Variants in BAX observed in about 807,000 individuals in gnomAD.
BAX encodes apoptosis regulator BAX.
BAX carries 21 observed loss-of-function variants against 26.8 expected under a neutral mutation model. The ratio of observed to expected loss-of-function variants is 0.78; its 90% CI spans 0.56 to 1.13. The LOEUF (loss-of-function observed/expected upper bound fraction) is 1.13, where lower values mean the gene tolerates loss of function less well. Among genes scored for constraint, BAX ranks in the 50% most tolerant of loss-of-function variants. The pLI, the probability that BAX is intolerant of heterozygous loss-of-function variation, is 0.00. For synonymous variants in BAX, 110 were observed against 101.8 expected, an observed-to-expected ratio of 1.08 and a Z score of -0.49; for missense variants, 236 against 254.6, an observed-to-expected ratio of 0.93 and a Z score of 0.50.
rs1020669707 is a variant in BAX at position 48,961,510 on chromosome 19, C to T, written c.475-22C>T. 10 of 1,575,720 alleles carry T rather than the reference C, an allele frequency of 6.3e-6. No homozygotes were observed. In the African/African-American group the frequency reaches 6.7e-5, roughly 11 times the overall value. On this transcript the variant is annotated intron_variant, in intron 5 of 5. Coordinates refer to ENST00000345358, the MANE Select transcript of BAX (RefSeq NM_138761.4). ...GCTGCCCCTGGCCGAGTCACTGAAG[C>T]GACTGATGTCCCTGTCTCCAGGACG...
Position 48,955,619 on chromosome 19 carries a change from A to G in BAX, c.86+20A>G. 2 of 1,613,430 alleles carry G rather than the reference A, an allele frequency of 1.2e-6. No homozygotes were observed. The highest frequency in any genetic ancestry group is 1.7e-6 in the Non-Finnish European group (2 of 1,179,744). ...TCAGGGGTGAGTTTGAGGTCTGATT[A>G]TTGTGGCACAGATTTGAGGAGTGAC... On this transcript the variant is annotated intron_variant, in intron 2 of 5. Coordinates refer to ENST00000345358, the MANE Select transcript of BAX (RefSeq NM_138761.4).
intron 4 of BAX, among the ~76,000 whole-genome samples, chr19:48,957,247 G>A (rs978267213): frequency 6.9e-6 from 1 of 144,146 alleles, no homozygotes; most frequent in Non-Finnish European, 1.5e-5. Context: ...TCGGGCTGCT[G>A]GAAAGACTTT....
Position 48,961,738 on chromosome 19 carries a change from A to C in BAX, c.*102A>C. 1 of 891,316 alleles carries C rather than the reference A, an allele frequency of 1.1e-6. No individual in the cohort carries two copies. 55.2% of individuals were successfully genotyped at this position (891,316 alleles called of 1,614,324 possible). ...CGTGGGCATTTTTCTTACTTTTGTAATTATTGGGGGGTGTGGGGAAGAGTG... is the reference window on the plus strand; with the variant it reads ...CGTGGGCATTTTTCTTACTTTTGTACTTATTGGGGGGTGTGGGGAAGAGTG... On this transcript the variant is annotated 3_prime_UTR_variant, in exon 6 of 6. Transcript: ENST00000345358.
chr19:48,959,433 G>A (rs2038266263), intron 4 of BAX, among the ~76,000 whole-genome samples: 1 of 149,680 alleles, frequency 6.7e-6, no homozygotes, highest in Non-Finnish European at 1.5e-5. Flanking sequence ...AATTTGCTTC[G>A]TCGAGGCCTG....
rs1186636724 is a variant in BAX at position 48,961,612 on chromosome 19, C to T, written c.555C>T (p.Leu185=). Residue 185 remains leucine, a synonymous_variant, in exon 6 of 6, where the codon CTC becomes CTT. Coordinates refer to ENST00000345358, the MANE Select transcript of BAX (RefSeq NM_138761.4). ...TGGCGGGAGTGCTCACCGCCTCACT[C>T]ACCATCTGGAAGAAGATGGGCTGAG... is the stretch of plus-strand genomic sequence containing the variant. ...IFVAGVLTAS[L]TIWKKMG is the part of the protein sequence containing the mutation. 1 of 1,600,722 alleles carries T rather than the reference C, an allele frequency of 6.2e-7. No homozygotes were observed. Among genetic ancestry groups the T allele is most frequent in the East Asian group, 2.2e-5 (1 of 44,450 alleles).
At chr19:48,955,340 G>T in intron 1 of BAX, 1 of 523,136 alleles carries the variant, frequency 1.9e-6, no homozygotes, top group Non-Finnish European at 3.2e-6. Context: ...CTCTTTCCCC[G>T]GGGAGAATGT....
chr19:48,957,367 C>A (rs900000388), intron 4 of BAX, among the ~76,000 whole-genome samples: 2 of 147,752 alleles, frequency 1.4e-5, no homozygotes, highest in Non-Finnish European at 3.0e-5. Context: ...CTCTGCCTCC[C>A]GGGTTCAAGT....
chr19:48,961,698 G>T lies in BAX; in HGVS notation c.*62G>T. ...AAATTATGGCATTTTTCTGGGAGGGGTGGGGATTGGGGGACGTGGGCATTT... is the reference window on the plus strand; with the variant it reads ...AAATTATGGCATTTTTCTGGGAGGGTTGGGGATTGGGGGACGTGGGCATTT... On this transcript the variant is annotated 3_prime_UTR_variant, in exon 6 of 6. Coordinates refer to ENST00000345358, the MANE Select transcript of BAX (RefSeq NM_138761.4). The T allele has an allele frequency of 2.9e-6, 4 of 1,380,274 alleles. No individual in the cohort carries two copies. Among genetic ancestry groups the T allele is most frequent in the Non-Finnish European group, 3.0e-6 (3 of 997,344 alleles). 85.5% of individuals were successfully genotyped at this position (1,380,274 alleles called of 1,614,324 possible). A position where few individuals can be genotyped will look rare whatever the true frequency, so the allele number is the denominator to read the frequency against.
rs1193542077 is a variant in BAX at position 48,961,604 on chromosome 19, G to A, written c.547G>A (p.Ala183Thr). ...CATCTTTGTGGCGGGAGTGCTCACC[G>A]CCTCACTCACCATCTGGAAGAAGAT... ...VTIFVAGVLT[A>T]SLTIWKKMG Residue 183 changes from alanine to threonine, a missense_variant, in exon 6 of 6, where the codon GCC (alanine) becomes ACC (threonine). By Grantham distance (58) the Ala-to-Thr change is moderately conservative. Transcript: ENST00000345358. 9 of 1,598,944 alleles carry A rather than the reference G, an allele frequency of 5.6e-6. No homozygotes were observed. Among genetic ancestry groups the A allele is most frequent in the South Asian group, 1.1e-5 (1 of 88,604 alleles).
At chr19:48,961,301 G>A in intron 5 of BAX, 1 of 1,394,416 alleles carries the variant, frequency 7.2e-7, no homozygotes, top group Non-Finnish European at 9.4e-7. Context: ...TGCCCAGGTT[G>A]GTCTCGAACT....
Position 48,956,332 on chromosome 19 carries a change from A to C in BAX, c.368A>C (p.Lys123Thr). Residue 123 changes from lysine to threonine, a missense_variant and splice_region_variant, in exon 4 of 6, where the codon AAG (lysine) becomes ACG (threonine). Lys to Thr is a moderately conservative substitution (Grantham distance 78). Transcript: ENST00000345358. ...TACTTTGCCAGCAAACTGGTGCTCA[A>C]GGTGGGCAGCTGCAGGGCAGTGAGC... ...LFYFASKLVL[K>T]ALCTKVPELI... is the part of the protein sequence containing the mutation. 6.4e-7 allele frequency: 1 copy of C among 1,561,654 alleles called. No homozygotes were observed. Among genetic ancestry groups the C allele is most frequent in the Non-Finnish European group, 8.7e-7 (1 of 1,153,822 alleles).
chr19:48,957,565 G>A (rs2038190803), intron 4 of BAX, among the ~76,000 whole-genome samples: 1 of 152,072 alleles, frequency 6.6e-6, no homozygotes, highest in Non-Finnish European at 1.5e-5. Flanking sequence ...GTGAACCACT[G>A]CACCCAGCCT....
Position 48,961,262 on chromosome 19 carries a change from T to C in BAX, c.475-270T>C, listed in dbSNP as rs988551267. The stretch of plus-strand genomic sequence containing the variant: ...CCCTAGCTCTTTCCTTTTTTTTTTT[T>C]TCCCCACTGAGAAGGGGTCTCGCTA... On this transcript the variant is annotated intron_variant, in intron 5 of 5. Coordinates refer to ENST00000345358, the MANE Select transcript of BAX (RefSeq NM_138761.4). The C allele has an allele frequency of 3.0e-5, 43 of 1,427,262 alleles. No homozygotes were observed. The African/African-American group carries it at 5.6e-4, about 19-fold the overall frequency. 88.4% of individuals were successfully genotyped at this position (1,427,262 alleles called of 1,614,324 possible).
intron 4 of BAX, 47 bp from the exon 5 acceptor site, chr19:48,960,763 C>A: frequency 6.8e-7 from 1 of 1,463,862 alleles, no homozygotes; most frequent in Non-Finnish European, 9.4e-7. Flanking sequence ...TATCTCCAGG[C>A]AGTGGGGACA....
At chr19:48,959,247 G>A (rs1235615362) in intron 4 of BAX, among the ~76,000 whole-genome samples, 1 of 151,246 alleles carries the variant, frequency 6.6e-6, no homozygotes, top group Non-Finnish European at 1.5e-5. Flanking sequence ...CTACTCGGGA[G>A]GCTGAGGCAG....
intron 5 of BAX, 177 bp downstream of exon 5, chr19:48,961,091 T>G: frequency 6.3e-7 from 1 of 1,588,052 alleles, no homozygotes; most frequent in Non-Finnish European, 8.6e-7. Context: ...TTTCCTTACG[T>G]GTCTGATCAA....
chr19:48,961,300 T>C (rs2038351015), intron 5 of BAX: 1 of 1,403,606 alleles, frequency 7.1e-7, no homozygotes, highest in Admixed American at 2.9e-5. Flanking sequence ...TTGCCCAGGT[T>C]GGTCTCGAAC....
chr19:48,956,023 C>T, intron 3 of BAX, 175 bp from the exon 4 acceptor site: 2 of 1,140,296 alleles, frequency 1.8e-6, no homozygotes, highest in Non-Finnish European at 2.4e-6. Flanking sequence ...TCATTTTTCC[C>T]ACCTTCCTAA....
intron 4 of BAX, among the ~76,000 whole-genome samples, chr19:48,959,349 C>CAAAAA (rs71179067): frequency 5.5e-4 from 40 of 73,008 alleles, no homozygotes; most frequent in Admixed American, 1.0e-3. Flanking sequence ...GACTCCGTCT[C>CAAAAA]AAAAAAAAAA....
Sources: allele counts gnomAD v4.1 joint callset (sites outside exome capture counted in the v4.1 genomes callset), GRCh38; gene constraint gnomAD v4.1.1; transcripts MANE v1.5; gene names NCBI Gene and HGNC (gene_info 2026-07-23, HGNC 2026-07-21).